TBCK: variants seen among roughly 807,000 people sequenced by gnomAD.
TBCK encodes the protein TBC domain-containing protein kinase-like protein.
A neutral mutation model predicts 113.4 loss-of-function variants in TBCK; 99 were observed. That is an observed-to-expected ratio of 0.87 (90% CI 0.74 to 1.03). The LOEUF is 1.03. TBCK is among the 50% of genes least tolerant of loss of function. TBCK has a pLI of 0.00. For missense variants in TBCK, 1,045 were observed against 1,061.3 expected (o/e 0.98, Z 0.21); for synonymous variants, 369 against 370.8 (o/e 1.00, Z 0.05).
At chr4:106,114,652 G>A (rs1284248825) in intron 24 of TBCK, among the ~76,000 whole-genome samples, 1 of 152,148 alleles carries the variant, frequency 6.6e-6, no homozygotes, top group African/African-American at 2.4e-5. Flanking sequence ...GCCAGGGTCT[G>A]CAGATTGGAC....
chr4:106,235,220 C>G, intron 15 of TBCK, 49 bp downstream of exon 15: 6 of 1,272,566 alleles, frequency 4.7e-6, no homozygotes, highest in Non-Finnish European at 6.5e-6. Flanking sequence ...CCTTCTCCAT[C>G]CTTTCTTTGC....
At position 106,244,773 on chromosome 4, in the gene TBCK, AGCAAAT is replaced by A. The variant is rs1316251497; in HGVS notation, c.932-15_932-10del. On this transcript the variant is annotated splice_polypyrimidine_tract_variant and intron_variant, in intron 10 of 25. Transcript: ENST00000394708. ...GTAATCATTATTTATATCTATTAAA[AGCAAAT>A]TTAAGGAATCATTGTATTATATTTT... The A allele has an allele frequency of 6.7e-7, 1 of 1,499,924 alleles. No homozygotes were observed. Among genetic ancestry groups the A allele is most frequent in the African/African-American group, 1.4e-5 (1 of 71,162 alleles). The allele number at this position is 1,499,924 out of a possible 1,614,324, so 92.9% of individuals were successfully genotyped here.
At chr4:106,316,345 G>A (rs1579619572), upstream of TBCK, 1 of 587,558 alleles carries the variant, frequency 1.7e-6, no homozygotes, top group Non-Finnish European at 3.1e-6. Context: ...AGAGAAAGAG[G>A]TGCGGGGGGA....
At position 106,308,956 on chromosome 4, in the gene TBCK, A is replaced by C. The variant is rs2125894869; in HGVS notation, c.5T>G (p.Phe2Cys). Residue 2 changes from phenylalanine (F) to cysteine (C), a missense_variant, in exon 2 of 26, where the codon TTT becomes TGT. Coordinates refer to ENST00000394708, the MANE Select transcript of TBCK (RefSeq NM_001163435.3). ...TCCCATTTCAGCGTCCTTCAGGGGA[A>C]ACATTTTTGGAGTCCTAGGTCTTCT... M[F>C]PLKDAEMGAF... The C allele has an allele frequency of 6.2e-7, 1 of 1,613,436 alleles. No homozygotes were observed.
chr4:106,241,763 T>G (rs976928684), intron 12 of TBCK, among the ~76,000 whole-genome samples: 2 of 152,018 alleles, frequency 1.3e-5, no homozygotes, highest in African/African-American at 4.8e-5. Context: ...GTGAAACAAT[T>G]ATTTAAATCT....
intron 3 of TBCK, among the ~76,000 whole-genome samples, chr4:106,274,457 A>T (rs1039553372): frequency 2.4e-4 from 36 of 152,258 alleles, no homozygotes; most frequent in African/African-American, 8.7e-4. Flanking sequence ...ATGAATAAAC[A>T]AACTATGGTA....
chr4:106,256,233 G>C (rs1249167918), intron 5 of TBCK, among the ~76,000 whole-genome samples: 1 of 152,074 alleles, frequency 6.6e-6, no homozygotes, highest in Non-Finnish European at 1.5e-5. Flanking sequence ...TTGAAGGCAG[G>C]GCTTCACCAG....
At chr4:106,236,700 T>C in intron 13 of TBCK, 59 bp downstream of exon 13, 12 of 1,079,772 alleles carry the variant, frequency 1.1e-5, no homozygotes, top group Non-Finnish European at 1.5e-5. Flanking sequence ...ATAAAATTCT[T>C]ATAAATCTAA....
chr4:106,280,838 A>C (rs371903550), intron 3 of TBCK, among the ~76,000 whole-genome samples: 2 of 152,084 alleles, frequency 1.3e-5, no homozygotes, highest in East Asian at 3.8e-4. Flanking sequence ...TCTGTAGTAT[A>C]ATTTGAAGTC....
intron 3 of TBCK, among the ~76,000 whole-genome samples, chr4:106,291,501 C>A (rs1204367224): frequency 6.6e-6 from 1 of 152,192 alleles, no homozygotes; most frequent in African/African-American, 2.4e-5. Flanking sequence ...GACCAGCTAT[C>A]CAATGAAGCC....
chr4:106,219,157 G>A (rs926268859), intron 19 of TBCK, among the ~76,000 whole-genome samples: 2 of 145,828 alleles, frequency 1.4e-5, no homozygotes, highest in Non-Finnish European at 3.0e-5. Flanking sequence ...ACTCATAGGT[G>A]GGAATTGAAC....
At chr4:106,313,574 G>GC (rs1480140069) in intron 1 of TBCK, among the ~76,000 whole-genome samples, 2 of 152,162 alleles carry the variant, frequency 1.3e-5, no homozygotes, top group Non-Finnish European at 2.9e-5. Flanking sequence ...GAAATAGGGG[G>GC]AAGCCCAATA....
At chr4:106,184,575 C>T (rs1170868059) in intron 22 of TBCK, among the ~76,000 whole-genome samples, 1 of 151,982 alleles carries the variant, frequency 6.6e-6, no homozygotes, top group Non-Finnish European at 1.5e-5. Context: ...TAGTCGTATA[C>T]ATATATAGAG....
chr4:106,083,526 C>T (rs1411357803), intron 25 of TBCK, among the ~76,000 whole-genome samples: 1 of 152,192 alleles, frequency 6.6e-6, no homozygotes, highest in Non-Finnish European at 1.5e-5. Context: ...TCTGAGGAAT[C>T]CAGGCAGCTC....
chr4:106,197,407 G>GTATATA (rs1351398808), intron 20 of TBCK, among the ~76,000 whole-genome samples: 2 of 100,964 alleles, frequency 2.0e-5, no homozygotes, highest in Non-Finnish European at 4.6e-5. Flanking sequence ...GTGTGTGTGT[G>GTATATA]TGTGTATATA....
intron 1 of TBCK, among the ~76,000 whole-genome samples, chr4:106,309,364 G>A (rs1767925449): frequency 7.2e-6 from 1 of 139,446 alleles, no homozygotes; most frequent in Non-Finnish European, 1.5e-5. Context: ...CCAGGCTGGA[G>A]TGCAGTGGTG....
chr4:106,215,555 G>T (rs953197738), intron 19 of TBCK, among the ~76,000 whole-genome samples: 2 of 152,056 alleles, frequency 1.3e-5, no homozygotes, highest in African/African-American at 2.4e-5. Context: ...AAAAAGGCAG[G>T]GGTTGCGATC....
rs527715914 is a variant in TBCK at position 106,140,086 on chromosome 4, A to G, written c.2236-23708T>C. 2.8e-5 allele frequency among the ~76,000 whole-genome samples: 4 copies of G among 141,102 alleles called. 1 individual carries two copies. The highest frequency in any genetic ancestry group is 9.9e-5 in the African/African-American group (4 of 40,202). The allele number at this position is 141,102 out of a possible 152,430, so 92.6% of individuals were successfully genotyped here. Reference sequence around the variant, plus strand: ...ATAATATTTATTGTAGATATATTCAATTTTACAGTTGTTAAATTAAAAAAG... The same window carrying G: ...ATAATATTTATTGTAGATATATTCAGTTTTACAGTTGTTAAATTAAAAAAG... On this transcript the variant is annotated intron_variant, in intron 23 of 25. Coordinates refer to ENST00000394708, the MANE Select transcript of TBCK (RefSeq NM_001163435.3).
chr4:106,232,753 T>C (rs1044528440), intron 17 of TBCK, among the ~76,000 whole-genome samples, 185 bp downstream of exon 17: 7 of 152,062 alleles, frequency 4.6e-5, no homozygotes, highest in Non-Finnish European at 5.9e-5. Context: ...TTTAATGATA[T>C]CTACTAGGAT....
Sources: allele counts gnomAD v4.1 joint callset (sites outside exome capture counted in the v4.1 genomes callset), GRCh38; gene constraint gnomAD v4.1.1; transcripts MANE v1.5; gene names NCBI Gene and HGNC (gene_info 2026-07-23, HGNC 2026-07-21).